The following UBE3D variants were observed in gnomAD, a reference collection of about 807,000 sequenced individuals.
UBE3D encodes E3 ubiquitin-protein ligase E3D.
UBE3D carries 48 observed loss-of-function variants against 49.6 expected under a neutral mutation model. The ratio of observed to expected loss-of-function variants is 0.97; its 90% CI spans 0.77 to 1.23. The LOEUF (loss-of-function observed/expected upper bound fraction) is 1.23, where lower values mean the gene tolerates loss of function less well. UBE3D is among the 50% of genes most tolerant of loss of function. UBE3D has a pLI of 0.00. For missense variants in UBE3D, 452 were observed against 468.4 expected, an observed-to-expected ratio of 0.96 and a Z score of 0.32; for synonymous variants, 189 against 174.2, an observed-to-expected ratio of 1.08 and a Z score of -0.67.
chr6:83,026,352 G>A (rs577118972), intron 5 of UBE3D, among the ~76,000 whole-genome samples: 48 of 152,230 alleles, frequency 3.2e-4, no homozygotes, highest in Non-Finnish European at 6.8e-4. Flanking sequence ...TCGGGAGGCT[G>A]AGGCAAGAGG....
At chr6:82,882,446 T>A in the UBE3D span, among the ~76,000 whole-genome samples, 1 of 152,210 alleles carries the variant, frequency 6.6e-6, no homozygotes, top group African/African-American at 2.4e-5. Context: ...TATTTTGGAT[T>A]CCTCTTTGGC....
At chr6:82,959,859 G>A (rs1377248624) in intron 8 of UBE3D, among the ~76,000 whole-genome samples, 5 of 152,038 alleles carry the variant, frequency 3.3e-5, no homozygotes, top group African/African-American at 1.2e-4. Flanking sequence ...CCCAAACAGG[G>A]TGCTCCTACA....
chr6:82,946,504 C>T (rs1390535791), intron 9 of UBE3D, among the ~76,000 whole-genome samples: 3 of 151,990 alleles, frequency 2.0e-5, no homozygotes, highest in African/African-American at 2.4e-5. Context: ...TGAAGAAATG[C>T]TAAAGAGAGG....
chr6:82,898,749 C>G (rs1029664066), intron 9 of UBE3D, among the ~76,000 whole-genome samples: 1 of 152,056 alleles, frequency 6.6e-6, no homozygotes, highest in African/African-American at 2.4e-5. Flanking sequence ...ATGGGTGCAG[C>G]AAACCACCAT....
At chr6:82,964,879 T>G (rs2127784591) in intron 8 of UBE3D, among the ~76,000 whole-genome samples, 1 of 152,252 alleles carries the variant, frequency 6.6e-6, no homozygotes, top group East Asian at 1.9e-4. Context: ...CCTGAAAAAA[T>G]GCACAAACTA....
intron 9 of UBE3D, among the ~76,000 whole-genome samples, chr6:82,923,016 C>A (rs1773465098): frequency 6.6e-6 from 1 of 152,202 alleles, no homozygotes; most frequent in Non-Finnish European, 1.5e-5. Flanking sequence ...GAGATACCAT[C>A]TCAAGCTAGT....
chr6:82,996,021 T>C (rs928107389), intron 8 of UBE3D, among the ~76,000 whole-genome samples: 5 of 152,000 alleles, frequency 3.3e-5, no homozygotes, highest in Non-Finnish European at 7.4e-5. Context: ...GCTGAGATCA[T>C]GCCACCGCAC....
At chr6:82,956,128 T>G (rs937230090) in intron 9 of UBE3D, among the ~76,000 whole-genome samples, 1 of 152,190 alleles carries the variant, frequency 6.6e-6, no homozygotes, top group African/African-American at 2.4e-5. Flanking sequence ...CACATCTTGT[T>G]TTACCACATA....
intron 8 of UBE3D, among the ~76,000 whole-genome samples, chr6:83,016,547 T>C (rs1780710444): frequency 6.6e-6 from 1 of 152,024 alleles, no homozygotes; most frequent in Admixed American, 6.6e-5. Context: ...CCACTCCTGG[T>C]ACCAAAATCT....
intron 8 of UBE3D, among the ~76,000 whole-genome samples, chr6:82,998,713 T>C (rs1184919495): frequency 6.6e-6 from 1 of 152,224 alleles, no homozygotes; most frequent in East Asian, 1.9e-4. Flanking sequence ...TAAGTTTCAG[T>C]AAGTGATTAA....
intron 7 of UBE3D, among the ~76,000 whole-genome samples, chr6:83,020,597 T>C (rs1008365542): frequency 6.6e-6 from 1 of 152,166 alleles, no homozygotes; most frequent in African/African-American, 2.4e-5. Flanking sequence ...AAGTTCCTAC[T>C]CCCGATCTTC....
intron 5 of UBE3D, among the ~76,000 whole-genome samples, chr6:83,031,033 G>A (rs1418187214): frequency 6.6e-6 from 1 of 151,830 alleles, no homozygotes; most frequent in Non-Finnish European, 1.5e-5. Flanking sequence ...TTTGAAACCG[G>A]GTCTCATTCT....
chr6:83,015,073 C>T (rs569912413), intron 8 of UBE3D, among the ~76,000 whole-genome samples: 1 of 152,246 alleles, frequency 6.6e-6, no homozygotes, highest in South Asian at 2.1e-4. Flanking sequence ...CACAACTTGG[C>T]CACTGCCACC....
At chr6:82,976,877 G>A (rs1464652442) in intron 8 of UBE3D, among the ~76,000 whole-genome samples, 1 of 152,006 alleles carries the variant, frequency 6.6e-6, no homozygotes, top group Non-Finnish European at 1.5e-5. Context: ...CACTTTGGGA[G>A]GCCGAGGCGG....
intron 4 of UBE3D, among the ~76,000 whole-genome samples, chr6:83,039,194 G>A (rs145831674): frequency 0.019 from 2,857 of 152,158 alleles, 48 homozygotes; most frequent in Admixed American, 0.058. Context: ...CATTCCTCTC[G>A]TCCAGATATA....
chr6:82,990,560 G>A (rs775695247), intron 8 of UBE3D, among the ~76,000 whole-genome samples: 25 of 152,136 alleles, frequency 1.6e-4, no homozygotes, highest in Non-Finnish European at 3.1e-4. Flanking sequence ...TTACAGGCAT[G>A]AGCCACCACA....
At chr6:83,004,995 C>T (rs1358453187) in intron 8 of UBE3D, among the ~76,000 whole-genome samples, 1 of 152,084 alleles carries the variant, frequency 6.6e-6, no homozygotes, top group Non-Finnish European at 1.5e-5. Flanking sequence ...ATGGGACTAT[C>T]TCACACTTAA....
At chr6:83,012,783 CA>C (rs1270971014) in intron 8 of UBE3D, among the ~76,000 whole-genome samples, 1 of 152,218 alleles carries the variant, frequency 6.6e-6, no homozygotes, top group African/African-American at 2.4e-5. Flanking sequence ...CACATCTGGC[CA>C]TTTCTCCTTC....
intron 1 of UBE3D, among the ~76,000 whole-genome samples, chr6:83,061,616 T>C (rs1784173328): frequency 6.6e-6 from 1 of 152,210 alleles, no homozygotes; most frequent in South Asian, 2.1e-4. Context: ...GGCACAGTGG[T>C]ATAGCAGGCC....
Sources: gnomAD v4.1 joint callset for allele counts (sites outside exome capture counted in the v4.1 genomes callset) on GRCh38, gnomAD v4.1.1 for gene constraint, MANE v1.5 for transcripts, NCBI Gene and HGNC (gene_info 2026-07-23, HGNC 2026-07-21) for gene names.